The following IMMP2L variants were observed in gnomAD, a reference collection of about 807,000 sequenced individuals.
The protein encoded by IMMP2L is mitochondrial inner membrane protease subunit 2.
IMMP2L carries 18 observed loss-of-function variants against 19.3 expected under a neutral mutation model. The ratio of observed to expected loss-of-function variants is 0.93; its 90% CI spans 0.64 to 1.38. The LOEUF (loss-of-function observed/expected upper bound fraction) is 1.38, where lower values mean the gene tolerates loss of function less well. Ranked by LOEUF, IMMP2L falls within the 40% of genes most tolerant of loss-of-function variation. IMMP2L has a pLI of 0.00. For missense variants in IMMP2L, 233 were observed against 218.2 expected, an observed-to-expected ratio of 1.07 and a Z score of -0.43; for synonymous variants, 76 against 73.0, an observed-to-expected ratio of 1.04 and a Z score of -0.21.
chr7:111,209,287 C>T (rs937056813), intron 3 of IMMP2L, among the ~76,000 whole-genome samples: 4 of 150,570 alleles, frequency 2.7e-5, no homozygotes, highest in African/African-American at 9.8e-5. Flanking sequence ...GTTTCAGCTA[C>T]TTGCGAGGCT....
At chr7:111,059,326 C>T (rs1793800273) in intron 3 of IMMP2L, among the ~76,000 whole-genome samples, 1 of 152,120 alleles carries the variant, frequency 6.6e-6, no homozygotes, top group Admixed American at 6.6e-5. Flanking sequence ...GTACCTTTGC[C>T]ATGTAAAATA....
intron 3 of IMMP2L, among the ~76,000 whole-genome samples, chr7:111,069,300 A>T (rs1175840608): frequency 6.6e-6 from 1 of 152,130 alleles, no homozygotes; most frequent in African/African-American, 2.4e-5. Flanking sequence ...CTGCAGTAGA[A>T]ATGTTGTTTA....
intron 3 of IMMP2L, among the ~76,000 whole-genome samples, chr7:111,450,509 T>C (rs1338260498): frequency 2.6e-5 from 4 of 151,356 alleles, no homozygotes; most frequent in African/African-American, 9.7e-5. Context: ...TAGCCATATG[T>C]AGAAAGCTGA....
At chr7:111,365,471 C>T (rs569994651) in intron 3 of IMMP2L, among the ~76,000 whole-genome samples, 2 of 152,162 alleles carry the variant, frequency 1.3e-5, no homozygotes, top group Non-Finnish European at 2.9e-5. Context: ...TCCTGACATT[C>T]ATATGAAGAA....
At chr7:111,367,930 A>G (rs1829930319) in intron 3 of IMMP2L, among the ~76,000 whole-genome samples, 1 of 151,960 alleles carries the variant, frequency 6.6e-6, no homozygotes, top group Non-Finnish European at 1.5e-5. Flanking sequence ...TGTACATAAA[A>G]TAAAGACTAT....
intron 4 of IMMP2L, among the ~76,000 whole-genome samples, chr7:110,890,577 T>G (rs886611222): frequency 3.3e-5 from 5 of 152,210 alleles, no homozygotes; most frequent in Non-Finnish European, 5.9e-5. Flanking sequence ...GAAAGAATTT[T>G]AAATAGCTTT....
chr7:110,879,763 C>G (rs1003945387), intron 5 of IMMP2L, among the ~76,000 whole-genome samples: 1 of 152,104 alleles, frequency 6.6e-6, no homozygotes, highest in Admixed American at 6.6e-5. Context: ...AGTTTGGAAT[C>G]TTCATTTCCC....
intron 5 of IMMP2L, among the ~76,000 whole-genome samples, chr7:110,811,282 CTTAA>C (rs1280463281): frequency 6.6e-6 from 1 of 151,934 alleles, no homozygotes; most frequent in African/African-American, 2.4e-5. Flanking sequence ...AAGCACAAGG[CTTAA>C]TTGTTTAAAA....
rs148199314 is a variant in IMMP2L, at chr7:111,403,003, CA to C, written c.239+84234del. Reference sequence around the variant, plus strand: ...CACTGCAGCCTTGACCCCCCCCCCCCACCCCGCCAGGCTCAGGTGATCCTCC... The same window carrying C: ...CACTGCAGCCTTGACCCCCCCCCCCCCCCCGCCAGGCTCAGGTGATCCTCC... On this transcript the variant is annotated intron_variant, in intron 3 of 5. Coordinates refer to ENST00000405709, the MANE Select transcript of IMMP2L (RefSeq NM_032549.4). Among the ~76,000 whole-genome samples, 944 of 107,790 alleles carry C rather than the reference CA, an allele frequency of 8.8e-3. 21 individuals carry two copies. Among genetic ancestry groups the C allele is most frequent in the African/African-American group, 0.034 (871 of 25,254 alleles). The allele number at this position is 107,790 out of a possible 152,430, so 70.7% of individuals were successfully genotyped here. A position where few individuals can be genotyped will look rare whatever the true frequency, so the allele number is the denominator to read the frequency against.
intron 3 of IMMP2L, among the ~76,000 whole-genome samples, chr7:111,062,285 C>T (rs1357358473): frequency 6.6e-6 from 1 of 152,122 alleles, no homozygotes; most frequent in Non-Finnish European, 1.5e-5. Flanking sequence ...TAAAGGGAAA[C>T]TCCCATTTTT....
At chr7:110,665,381 G>A (rs1400057392) in intron 5 of IMMP2L, among the ~76,000 whole-genome samples, 2 of 152,092 alleles carry the variant, frequency 1.3e-5, no homozygotes, top group South Asian at 2.1e-4. Flanking sequence ...TATCTCCTGA[G>A]AATGAAGACC....
chr7:110,734,610 G>T (rs1246043544), intron 5 of IMMP2L, among the ~76,000 whole-genome samples: 1 of 152,184 alleles, frequency 6.6e-6, no homozygotes, highest in African/African-American at 2.4e-5. Flanking sequence ...CACCAAGAGT[G>T]TGGCCAAATG....
At chr7:111,136,414 C>T (rs796510572) in intron 3 of IMMP2L, among the ~76,000 whole-genome samples, 6 of 150,574 alleles carry the variant, frequency 4.0e-5, no homozygotes, top group African/African-American at 1.5e-4. Context: ...CTAATCTTAA[C>T]CAATTCTATT....
chr7:111,319,640 T>C (rs1824469210), intron 3 of IMMP2L, among the ~76,000 whole-genome samples: 3 of 152,108 alleles, frequency 2.0e-5, no homozygotes, highest in Non-Finnish European at 4.4e-5. Context: ...AACAACCCTA[T>C]AATCTGTTTT....
At chr7:110,996,730 G>A (rs927814677) in intron 3 of IMMP2L, among the ~76,000 whole-genome samples, 7 of 151,064 alleles carry the variant, frequency 4.6e-5, no homozygotes, top group Non-Finnish European at 8.8e-5. Flanking sequence ...ACATGCAATC[G>A]TAAGAAATGA....
At chr7:111,370,276 T>C (rs1183591656) in intron 3 of IMMP2L, among the ~76,000 whole-genome samples, 1 of 151,976 alleles carries the variant, frequency 6.6e-6, no homozygotes, top group Non-Finnish European at 1.5e-5. Context: ...AGTCATTCTC[T>C]ATGATCCTTA....
intron 3 of IMMP2L, 149 bp downstream of exon 3, chr7:111,487,088 CT>C (rs1842718233): frequency 4.6e-6 from 2 of 433,912 alleles, no homozygotes; most frequent in Middle Eastern, 6.2e-4. Flanking sequence ...CATTGTTACA[CT>C]GCAAAATTGA....
rs1476249279 is a variant in IMMP2L at position 111,183,791 on chromosome 7, T to G, written c.240-220226A>C. 2.0e-5 allele frequency among the ~76,000 whole-genome samples: 3 copies of G among 152,226 alleles called. No individual in the cohort carries two copies. The South Asian group carries it at 6.2e-4, about 32-fold the overall frequency. On this transcript the variant is annotated intron_variant, in intron 3 of 5. Coordinates refer to ENST00000405709, the MANE Select transcript of IMMP2L (RefSeq NM_032549.4). Reference sequence around the variant, plus strand: ...GCAAAATGCCTCAATCAAGAAACTATGAATCCCTGTGAAATATCTGACATA... The same window carrying G: ...GCAAAATGCCTCAATCAAGAAACTAGGAATCCCTGTGAAATATCTGACATA...
chr7:111,078,815 C>G (rs1261999761), intron 3 of IMMP2L, among the ~76,000 whole-genome samples: 1 of 152,144 alleles, frequency 6.6e-6, no homozygotes, highest in Non-Finnish European at 1.5e-5. Flanking sequence ...ACTGCAACCT[C>G]CACCTACCAG....
Sources: allele counts gnomAD v4.1 joint callset (sites outside exome capture counted in the v4.1 genomes callset), GRCh38; gene constraint gnomAD v4.1.1; transcripts MANE v1.5; gene names NCBI Gene and HGNC (gene_info 2026-07-23, HGNC 2026-07-21).